NOL4: variants seen among roughly 807,000 people sequenced by gnomAD.
The protein encoded by NOL4 is cancer/testis antigen 125.
Under a neutral mutation model 75.9 loss-of-function variants are expected in NOL4, and 17 were observed. That is an observed-to-expected ratio of 0.22 (90% CI 0.15 to 0.34). The LOEUF is 0.34. Among genes scored for constraint, NOL4 ranks in the 10% least tolerant of loss-of-function variants. The pLI is 1.00. For synonymous variants in NOL4, 292 were observed against 289.9 expected, an observed-to-expected ratio of 1.01 and a Z score of -0.07; for missense variants, 614 against 793.5, an observed-to-expected ratio of 0.77 and a Z score of 2.72.
intron 5 of NOL4, among the ~76,000 whole-genome samples, chr18:34,060,912 A>C (rs2077041101): frequency 6.6e-6 from 1 of 152,206 alleles, no homozygotes; most frequent in African/African-American, 2.4e-5. Flanking sequence ...TTAAAAATAA[A>C]AGTGCTATGT....
At chr18:33,966,748 A>G (rs923327831) in intron 6 of NOL4, among the ~76,000 whole-genome samples, 6 of 152,148 alleles carry the variant, frequency 3.9e-5, no homozygotes, top group Admixed American at 3.9e-4. Flanking sequence ...AGCCACACAC[A>G]AAAATGAAAT....
chr18:34,130,790 A>G (rs548538435), intron 1 of NOL4, among the ~76,000 whole-genome samples: 59 of 152,278 alleles, frequency 3.9e-4, no homozygotes, highest in African/African-American at 1.4e-3. Flanking sequence ...TTTCAGGACC[A>G]TGATAAAAAT....
intron 6 of NOL4, among the ~76,000 whole-genome samples, chr18:34,014,814 A>G (rs2074587193): frequency 6.6e-6 from 1 of 152,032 alleles, no homozygotes; most frequent in South Asian, 2.1e-4. Flanking sequence ...TAGTGAGTTA[A>G]TTTGCATAAT....
At chr18:33,904,216 T>G (rs536875111) in intron 9 of NOL4, among the ~76,000 whole-genome samples, 1 of 151,992 alleles carries the variant, frequency 6.6e-6, no homozygotes, top group Non-Finnish European at 1.5e-5. Flanking sequence ...AGGGGTCCCA[T>G]CGAGGGATAG....
In NOL4 at chr18:33,997,921, T is replaced by C. The variant is rs1266827350; in HGVS notation, c.1056+21397A>G. ...GGTATTGTATAGCTGTACAATGACA[T>C]ATTATTGTCCATTGGGCTGAATAAT... On this transcript the variant is annotated intron_variant, in intron 6 of 10. Coordinates refer to ENST00000261592, the MANE Select transcript of NOL4 (RefSeq NM_003787.5). 3.3e-5 allele frequency among the ~76,000 whole-genome samples: 5 copies of C among 151,968 alleles called. No individual in the cohort carries two copies. In the East Asian group the frequency reaches 7.8e-4, roughly 24 times the overall value.
intron 5 of NOL4, among the ~76,000 whole-genome samples, chr18:34,087,669 C>G (rs1250816733): frequency 6.6e-6 from 1 of 151,984 alleles, no homozygotes; most frequent in African/African-American, 2.4e-5. Flanking sequence ...GACCTCACAT[C>G]ATTTACCCTT....
intron 1 of NOL4, among the ~76,000 whole-genome samples, chr18:34,133,040 A>AGG (rs200547646): frequency 6.6e-6 from 1 of 152,186 alleles, no homozygotes; most frequent in African/African-American, 2.4e-5. Context: ...GAGGAGGCAG[A>AGG]GGGGGGTGGA....
intron 2 of NOL4, among the ~76,000 whole-genome samples, chr18:34,122,750 G>T (rs913351974): frequency 2.6e-5 from 4 of 152,060 alleles, no homozygotes; most frequent in African/African-American, 9.7e-5. Context: ...TATACTCATT[G>T]CAAATTCATT....
At chr18:34,021,554 G>A (rs570951611) in intron 5 of NOL4, among the ~76,000 whole-genome samples, 2 of 152,240 alleles carry the variant, frequency 1.3e-5, no homozygotes, top group South Asian at 4.1e-4. Context: ...AATTTATTGT[G>A]GGAAGTGACA....
chr18:34,158,240 A>C (rs1030371553), intron 1 of NOL4, among the ~76,000 whole-genome samples: 1 of 152,198 alleles, frequency 6.6e-6, no homozygotes, highest in African/African-American at 2.4e-5. Flanking sequence ...AGTAGTTCAC[A>C]GAGCCTGCCA....
At chr18:34,153,085 G>A (rs2081722444) in intron 1 of NOL4, among the ~76,000 whole-genome samples, 1 of 151,730 alleles carries the variant, frequency 6.6e-6, no homozygotes, top group Admixed American at 6.6e-5. Context: ...AGGAAACAAC[G>A]GGGTTGTTTC....
chr18:34,054,978 T>A (rs2076774440), intron 5 of NOL4, among the ~76,000 whole-genome samples: 1 of 149,196 alleles, frequency 6.7e-6, no homozygotes. Flanking sequence ...TTATATATAT[T>A]TTATATATAA....
intron 1 of NOL4, among the ~76,000 whole-genome samples, chr18:34,189,929 G>A (rs1041759499): frequency 5.3e-5 from 8 of 151,390 alleles, no homozygotes; most frequent in Non-Finnish European, 1.2e-4. Flanking sequence ...ACTTCATACT[G>A]GACAATTGCT....
At position 33,852,643 on chromosome 18, in the gene NOL4, T is replaced by G; in HGVS notation, c.*199A>C. ...AAGCAATAGGCTGGACATACTAAAG[T>G]AGCTCAAGTACTTCAGAGGTCAGAG... is the stretch of plus-strand genomic sequence containing the variant. On this transcript the variant is annotated 3_prime_UTR_variant, in exon 11 of 11. Coordinates refer to ENST00000261592, the MANE Select transcript of NOL4 (RefSeq NM_003787.5). 1.9e-6 allele frequency: 1 copy of G among 519,078 alleles called. No homozygotes were observed. 32.2% of individuals were successfully genotyped at this position (519,078 alleles called of 1,614,324 possible).
intron 2 of NOL4, among the ~76,000 whole-genome samples, chr18:34,107,388 A>G (rs1251213419): frequency 6.6e-6 from 1 of 152,136 alleles, no homozygotes; most frequent in Admixed American, 6.6e-5. Context: ...ATATTTTATC[A>G]TATTATTCTT....
At chr18:34,014,554 T>C (rs2074570159) in intron 6 of NOL4, among the ~76,000 whole-genome samples, 1 of 152,008 alleles carries the variant, frequency 6.6e-6, no homozygotes, top group Non-Finnish European at 1.5e-5. Context: ...TGATTAATAA[T>C]TTAAAACATC....
chr18:34,094,499 C>T (rs1216693963), intron 4 of NOL4, among the ~76,000 whole-genome samples: 1 of 152,092 alleles, frequency 6.6e-6, no homozygotes, highest in African/African-American at 2.4e-5. Context: ...TGCTGAATGG[C>T]CAATTTATCA....
At position 34,108,112 on chromosome 18, in the gene NOL4, T is replaced by C. The variant is rs117445860; in HGVS notation, c.415-2952A>G. On this transcript the variant is annotated intron_variant, in intron 2 of 10. Coordinates refer to ENST00000261592, the MANE Select transcript of NOL4 (RefSeq NM_003787.5). ...CTCGAGGCACCAAGTATTGAAGCCA[T>C]TGAAGTTAAGTTGTTATCAGCTTAA... is the stretch of plus-strand genomic sequence containing the variant. Among the ~76,000 whole-genome samples, 698 of 152,266 alleles carry C rather than the reference T, an allele frequency of 4.6e-3. 6 individuals are homozygous for C. The highest frequency in any genetic ancestry group is 0.021 in the Admixed American group (319 of 15,276).
At chr18:33,954,891 G>C (rs2069529791) in intron 8 of NOL4, among the ~76,000 whole-genome samples, 1 of 152,064 alleles carries the variant, frequency 6.6e-6, no homozygotes, top group South Asian at 2.1e-4. Flanking sequence ...AATCAGCTTA[G>C]ATATCAAAAT....
Sources: gnomAD v4.1 joint callset for allele counts (sites outside exome capture counted in the v4.1 genomes callset) on GRCh38, gnomAD v4.1.1 for gene constraint, MANE v1.5 for transcripts, NCBI Gene and HGNC (gene_info 2026-07-23, HGNC 2026-07-21) for gene names.